Variants in GREB1L observed in about 807,000 individuals in gnomAD.
GREB1L encodes the protein GREB1 like retinoic acid receptor coactivator.
A neutral mutation model predicts 200.8 loss-of-function variants in GREB1L; 17 were observed. That is an observed-to-expected ratio of 0.08 (90% confidence interval 0.06 to 0.13). The LOEUF (loss-of-function observed/expected upper bound fraction) is 0.13. Among genes scored for constraint, GREB1L ranks in the 10% least tolerant of loss-of-function variants. The pLI, the probability that GREB1L is intolerant of heterozygous loss-of-function variation, is 1.00. For missense variants in GREB1L, 1,657 were observed against 2,367.7 expected, an observed-to-expected ratio of 0.70 and a Z score of 6.23; for synonymous variants, 789 against 893.0, an observed-to-expected ratio of 0.88 and a Z score of 2.08.
intron 1 of GREB1L, among the ~76,000 whole-genome samples, chr18:21,305,026 T>A (rs1232807907): frequency 6.6e-6 from 1 of 152,042 alleles, no homozygotes; most frequent in Non-Finnish European, 1.5e-5. Context: ...GTTGCCAGGC[T>A]GGAGTGCAGT....
chr18:21,482,679 A>C (rs1315909224), intron 17 of GREB1L, among the ~76,000 whole-genome samples: 1 of 133,848 alleles, frequency 7.5e-6, no homozygotes, highest in Non-Finnish European at 1.5e-5. Flanking sequence ...AACAATGATC[A>C]TTGAAGCAGC....
At chr18:21,244,492 CTT>C (rs1454603885) in intron 1 of GREB1L, among the ~76,000 whole-genome samples, 1 of 152,090 alleles carries the variant, frequency 6.6e-6, no homozygotes, top group African/African-American at 2.4e-5. Flanking sequence ...TTTTGGAAAA[CTT>C]TGTTTCCCAC....
intron 18 of GREB1L, among the ~76,000 whole-genome samples, chr18:21,489,309 C>CA (rs2036241981): frequency 6.6e-6 from 1 of 152,124 alleles, no homozygotes; most frequent in African/African-American, 2.4e-5. Flanking sequence ...GATGAGGCTA[C>CA]AACACTAGGG....
chr18:21,451,546 AGC>A (rs901288164), intron 13 of GREB1L, among the ~76,000 whole-genome samples: 4 of 123,386 alleles, frequency 3.2e-5, no homozygotes, highest in Non-Finnish European at 4.8e-5. Context: ...GGAGTGCAGT[AGC>A]GTGATTATAG....
intron 18 of GREB1L, among the ~76,000 whole-genome samples, chr18:21,486,919 T>C (rs918136867): frequency 6.6e-5 from 10 of 152,178 alleles, no homozygotes; most frequent in Non-Finnish European, 1.5e-4. Flanking sequence ...CTGTCCATAA[T>C]TTTGCTAAGA....
chr18:21,503,276 G>A (rs766702389), intron 23 of GREB1L, among the ~76,000 whole-genome samples: 22 of 151,460 alleles, frequency 1.5e-4, no homozygotes, highest in South Asian at 2.1e-4. Context: ...GTATGATCTC[G>A]GCTCACTGCA....
chr18:21,489,801 A>C (rs1288819924), intron 18 of GREB1L, among the ~76,000 whole-genome samples: 5 of 152,148 alleles, frequency 3.3e-5, no homozygotes, highest in African/African-American at 1.2e-4. Flanking sequence ...ACTGTGCTGT[A>C]CTTATCCCAA....
rs34711292 is a variant in GREB1L, at chr18:21,481,439, ATG to A, written c.2556+4121_2556+4122del. 8.8e-3 allele frequency among the ~76,000 whole-genome samples: 1,123 copies of A among 127,508 alleles called. 18 individuals are homozygous for A. Among genetic ancestry groups the A allele is most frequent in the African/African-American group, 0.03 (1,026 of 33,702 alleles). The allele number at this position is 127,508 out of a possible 152,430, so 83.7% of individuals were successfully genotyped here. A position where few individuals can be genotyped will look rare whatever the true frequency, so the allele number is the denominator to read the frequency against. ...GATTTTTGAGCAACAGTATATATGTATGTGTGTGTGTGTGTGTGTGTGTGTGT... is the reference window on the plus strand; with the variant it reads ...GATTTTTGAGCAACAGTATATATGTATGTGTGTGTGTGTGTGTGTGTGTGT... On this transcript the variant is annotated intron_variant, in intron 17 of 32. Coordinates refer to ENST00000424526, the MANE Select transcript of GREB1L (RefSeq NM_001142966.3).
At chr18:21,366,778 G>T (rs2039695283) in intron 2 of GREB1L, among the ~76,000 whole-genome samples, 1 of 152,022 alleles carries the variant, frequency 6.6e-6, no homozygotes, top group Non-Finnish European at 1.5e-5. Context: ...GCATTTCCAA[G>T]AGAGGCCAAA....
chr18:21,326,903 T>C (rs1292447607), intron 1 of GREB1L, among the ~76,000 whole-genome samples: 1 of 152,202 alleles, frequency 6.6e-6, no homozygotes, highest in Non-Finnish European at 1.5e-5. Context: ...TGAAGCCTTT[T>C]GGTAGATGTC....
chr18:21,325,556 C>T (rs575151427), intron 1 of GREB1L, among the ~76,000 whole-genome samples: 6 of 151,904 alleles, frequency 3.9e-5, no homozygotes, highest in African/African-American at 1.4e-4. Context: ...AGCTCACATA[C>T]GTAATCCCAG....
At chr18:21,354,264 T>C (rs1041997812) in intron 1 of GREB1L, among the ~76,000 whole-genome samples, 6 of 152,200 alleles carry the variant, frequency 3.9e-5, no homozygotes, top group African/African-American at 1.2e-4. Flanking sequence ...TTCATTTTTG[T>C]GCCAATCTGA....
chr18:21,449,830 G>A lies in GREB1L; in HGVS notation c.1714G>A (p.Val572Met), dbSNP rs2034431146. The A allele has an allele frequency of 6.7e-7, 1 of 1,501,598 alleles. No homozygotes were observed. The highest frequency in any genetic ancestry group is 1.3e-5 in the South Asian group (1 of 76,664). 93.0% of individuals were successfully genotyped at this position (1,501,598 alleles called of 1,614,324 possible). A position where few individuals can be genotyped will look rare whatever the true frequency, so the allele number is the denominator to read the frequency against. ...KIRGNEFCVV[V>M]LGQHQSRALA... is the part of the protein sequence containing the mutation. ...CAGAGGAAATGAATTTTGTGTGGTAGTGTTAGGTGAGTAATTTTTTTGTTT... is the reference window on the plus strand; with the variant it reads ...CAGAGGAAATGAATTTTGTGTGGTAATGTTAGGTGAGTAATTTTTTTGTTT... Residue 572 changes from valine (V) to methionine (M), a missense_variant, in exon 12 of 33, where the codon GTG (valine) becomes ATG (methionine). This residue lies in a region of GREB1L where 239 missense variants were observed against 421.8 expected (regional missense o/e 0.57). Transcript: ENST00000424526.
chr18:21,434,444 C>CCAG (rs1467521200), intron 7 of GREB1L, among the ~76,000 whole-genome samples: 1 of 151,026 alleles, frequency 6.6e-6, no homozygotes, highest in South Asian at 2.1e-4. Context: ...CCACTGCACT[C>CCAG]CAGCCTTGGC....
intron 4 of GREB1L, among the ~76,000 whole-genome samples, chr18:21,385,561 T>C (rs10502436): frequency 0.22 from 33,924 of 152,048 alleles, 4,382 homozygotes; most frequent in East Asian, 0.43. Context: ...TGAATTTGTT[T>C]ATGATTGCTC....
At position 21,500,609 on chromosome 18, in the gene GREB1L, G is replaced by A; in HGVS notation, c.4039G>A (p.Val1347Met). Residue 1347 changes from valine to methionine, a missense_variant, in exon 23 of 33, where the codon GTG becomes ATG. By Grantham distance (21) the Val-to-Met change is conservative. Transcript: ENST00000424526. ...LFRMLIRLLE[V>M]DVYDEEEINT... ...CCGCATGCTCATCAGGCTCCTGGAGGTGGACGTGTATGATGAGGAGGAGAT... is the reference window on the plus strand; with the variant it reads ...CCGCATGCTCATCAGGCTCCTGGAGATGGACGTGTATGATGAGGAGGAGAT... 1 of 1,549,612 alleles carries A rather than the reference G, an allele frequency of 6.5e-7. No homozygotes were observed. Among genetic ancestry groups the A allele is most frequent in the Non-Finnish European group, 8.7e-7 (1 of 1,146,256 alleles).
chr18:21,440,218 A>G lies in GREB1L; in HGVS notation c.950-51A>G. On this transcript the variant is annotated intron_variant, in intron 8 of 32. Coordinates refer to ENST00000424526, the MANE Select transcript of GREB1L (RefSeq NM_001142966.3). ...TCTGGCGTTCTTTCCTTTCTTCCAC[A>G]TGGCTGAGAACAAGACTATCTCTTT... 4 of 1,540,446 alleles carry G rather than the reference A, an allele frequency of 2.6e-6. No homozygotes were observed. In the South Asian group the frequency reaches 3.6e-5, roughly 14 times the overall value.
chr18:21,354,812 G>A (rs1039181012), intron 1 of GREB1L, among the ~76,000 whole-genome samples: 13 of 152,206 alleles, frequency 8.5e-5, no homozygotes, highest in Non-Finnish European at 1.5e-4. Context: ...AGTGTTGCTG[G>A]AACACAGCAT....
chr18:21,452,439 G>A, intron 14 of GREB1L: 3 of 498,240 alleles, frequency 6.0e-6, no homozygotes, highest in Non-Finnish European at 7.0e-6. Context: ...GAAAATCAAA[G>A]TCAAAGACTT....
Sources: allele counts gnomAD v4.1 joint callset (sites outside exome capture counted in the v4.1 genomes callset), GRCh38; gene constraint gnomAD v4.1.1; regional missense constraint gnomAD v4.1.1; transcripts MANE v1.5; gene names NCBI Gene and HGNC (gene_info 2026-07-23, HGNC 2026-07-21).